EDDM3A: variants seen among roughly 807,000 people sequenced by gnomAD.
EDDM3A encodes the protein epididymal secretory protein E3-alpha.
For missense variants in EDDM3A, 199 were observed against 177.4 expected (o/e 1.12, Z -0.69); for synonymous variants, 75 against 60.4 (o/e 1.24, Z -1.12).
At chr14:20,745,518 T>C (rs1594238299), upstream of EDDM3A, among the ~76,000 whole-genome samples, 1 of 126,586 alleles carries the variant, frequency 7.9e-6, no homozygotes, top group Admixed American at 8.3e-5. Context: ...AGAGCGAGAC[T>C]CCATCTCAAA....
At chr14:20,741,456 A>G (rs1317262421), upstream of EDDM3A, among the ~76,000 whole-genome samples, 2 of 152,162 alleles carry the variant, frequency 1.3e-5, no homozygotes, top group Non-Finnish European at 2.9e-5. Flanking sequence ...ATGTAGCAGC[A>G]AGCCACCTTG....
upstream of EDDM3A, among the ~76,000 whole-genome samples, chr14:20,741,451 G>A (rs1877431841): frequency 6.6e-6 from 1 of 152,184 alleles, no homozygotes; most frequent in Non-Finnish European, 1.5e-5. Context: ...AAAACATGTA[G>A]CAGCAAGCCA....
chr14:20,739,377 C>T, the EDDM3A span, among the ~76,000 whole-genome samples: 1 of 152,198 alleles, frequency 6.6e-6, no homozygotes, highest in African/African-American at 2.4e-5. Context: ...TGATATCCAT[C>T]CCTTATTTGG....
At chr14:20,742,696 C>A (rs1377499459), upstream of EDDM3A, among the ~76,000 whole-genome samples, 2 of 152,126 alleles carry the variant, frequency 1.3e-5, no homozygotes, top group African/African-American at 4.8e-5. Context: ...AAGCAATCTT[C>A]CTGCCTCCGT....
chr14:20,743,764 A>G (rs1398081533), upstream of EDDM3A, among the ~76,000 whole-genome samples: 2 of 152,154 alleles, frequency 1.3e-5, no homozygotes, highest in Non-Finnish European at 1.5e-5. Flanking sequence ...TTCCAGAAAT[A>G]CTGGTTGGGT....
At chr14:20,742,027 G>A (rs1235461734), upstream of EDDM3A, among the ~76,000 whole-genome samples, 7 of 152,112 alleles carry the variant, frequency 4.6e-5, no homozygotes, top group African/African-American at 1.7e-4. Context: ...ATACCTTATC[G>A]ATTTCTTGGG....
At chr14:20,744,340 A>G (rs1877521375), upstream of EDDM3A, among the ~76,000 whole-genome samples, 2 of 152,256 alleles carry the variant, frequency 1.3e-5, no homozygotes, top group Admixed American at 6.5e-5. Context: ...AGTTCTGGAT[A>G]TAAACTGAAC....
At chr14:20,743,321 G>A (rs187182649), upstream of EDDM3A, among the ~76,000 whole-genome samples, 1,101 of 152,270 alleles carry the variant, frequency 7.2e-3, 15 homozygotes, top group African/African-American at 0.025. Flanking sequence ...AGGCCAAGGC[G>A]GGTGGATCAC....
At chr14:20,741,146 A>G (rs1021105610), upstream of EDDM3A, among the ~76,000 whole-genome samples, 2 of 152,206 alleles carry the variant, frequency 1.3e-5, no homozygotes, top group Admixed American at 6.5e-5. Flanking sequence ...GAACTCTGAA[A>G]GGGCATGCCC....
At chr14:20,746,792 A>G (rs576295211) in intron 1 of EDDM3A, among the ~76,000 whole-genome samples, 1 of 152,366 alleles carries the variant, frequency 6.6e-6, no homozygotes, top group South Asian at 2.1e-4. Flanking sequence ...TGTGGTTTCC[A>G]GAATCAATGC....
chr14:20,744,029 C>T (rs930817322), upstream of EDDM3A, among the ~76,000 whole-genome samples: 7 of 152,162 alleles, frequency 4.6e-5, no homozygotes, highest in African/African-American at 1.7e-4. Flanking sequence ...TCCCACCTCT[C>T]TACATTCATT....
the EDDM3A span, among the ~76,000 whole-genome samples, chr14:20,739,625 G>T: frequency 6.6e-6 from 1 of 152,130 alleles, no homozygotes; most frequent in South Asian, 2.1e-4. Flanking sequence ...ACCAGCTTTG[G>T]TGATGTCAGT....
At chr14:20,736,529 T>C in the EDDM3A span, among the ~76,000 whole-genome samples, 1 of 152,184 alleles carries the variant, frequency 6.6e-6, no homozygotes, top group Non-Finnish European at 1.5e-5. Context: ...AAGGCAGAGC[T>C]GACTGGGTAT....
At chr14:20,739,714 A>AATAATACAC in the EDDM3A span, among the ~76,000 whole-genome samples, 3 of 152,206 alleles carry the variant, frequency 2.0e-5, no homozygotes, top group Non-Finnish European at 1.5e-5. Flanking sequence ...CTCTAATGAT[A>AATAATACAC]ATAATACACT....
the EDDM3A span, among the ~76,000 whole-genome samples, chr14:20,739,391 G>A: frequency 1.6e-3 from 244 of 152,288 alleles, no homozygotes; most frequent in African/African-American, 4.4e-3. Context: ...TATTTGGATA[G>A]CTGCACATTA....
chr14:20,747,510 C>A, intron 1 of EDDM3A, 45 bp from the exon 2 acceptor site: 8 of 1,256,876 alleles, frequency 6.4e-6, no homozygotes, highest in Non-Finnish European at 8.9e-6. Context: ...GAGCTCAGCT[C>A]TCTGAGTATA....
intron 1 of EDDM3A, among the ~76,000 whole-genome samples, chr14:20,746,225 T>C (rs143617696): frequency 2.6e-5 from 4 of 152,228 alleles, no homozygotes; most frequent in African/African-American, 7.2e-5. Context: ...TACTCTTCTA[T>C]CTTGTGTAGG....
At chr14:20,747,517 T>C in intron 1 of EDDM3A, 38 bp from the exon 2 acceptor site, 1 of 1,305,562 alleles carries the variant, frequency 7.7e-7, no homozygotes, top group Non-Finnish European at 1.1e-6. Flanking sequence ...GCTCTCTGAG[T>C]ATAGTCTGGT....
At chr14:20,741,717 C>T (rs139372344), upstream of EDDM3A, among the ~76,000 whole-genome samples, 5 of 152,220 alleles carry the variant, frequency 3.3e-5, no homozygotes, top group Admixed American at 3.3e-4. Context: ...GGGCTAAGAA[C>T]TTCTGTAATA....
Sources: gnomAD v4.1 joint callset for allele counts (sites outside exome capture counted in the v4.1 genomes callset) on GRCh38, gnomAD v4.1.1 for gene constraint, MANE v1.5 for transcripts, NCBI Gene and HGNC (gene_info 2026-07-23, HGNC 2026-07-21) for gene names.